The following MYBBP1A variants were observed in gnomAD, a reference collection of about 807,000 sequenced individuals.
MYBBP1A encodes the protein MYB binding protein 1a.
Under a neutral mutation model 136.3 loss-of-function variants are expected in MYBBP1A, and 147 were observed. That is an observed-to-expected ratio of 1.08 (90% CI 0.94 to 1.24). The LOEUF is 1.24. MYBBP1A is among the 50% of genes most tolerant of loss of function. The pLI, the probability that MYBBP1A is intolerant of heterozygous loss-of-function variation, is 0.00. For synonymous variants in MYBBP1A, 947 were observed against 735.8 expected, an observed-to-expected ratio of 1.29 and a Z score of -4.65; for missense variants, 2,060 against 1,727.4, an observed-to-expected ratio of 1.19 and a Z score of -3.41.
chr17:4,540,257 AGCAGCGTGTGT>A lies in MYBBP1A; in HGVS notation c.3434+80_3434+90del, dbSNP rs531167967. On this transcript the variant is annotated intron_variant, in intron 25 of 25. Coordinates refer to ENST00000254718, the MANE Select transcript of MYBBP1A (RefSeq NM_014520.4). ...GCATGCGTGTGCAGTGTGCGTGTGC[AGCAGCGTGTGT>A]GCAGCGTGTGTGTGTGTGCAGCAGC... 3.8e-4 allele frequency: 564 copies of A among 1,466,668 alleles called. 2 individuals carry two copies. The highest frequency in any genetic ancestry group is 2.9e-3 in the Middle Eastern group (16 of 5,530). 90.9% of individuals were successfully genotyped at this position (1,466,668 alleles called of 1,614,324 possible). A position where few individuals can be genotyped will look rare whatever the true frequency, so the allele number is the denominator to read the frequency against.
intron 3 of MYBBP1A, 34 bp from the exon 4 acceptor site, chr17:4,554,127 C>T (rs763855285): frequency 1.9e-6 from 3 of 1,613,256 alleles, no homozygotes; most frequent in South Asian, 2.2e-5. Flanking sequence ...GCATGAGGGG[C>T]CCTGGAACTC....
chr17:4,544,409 G>C, intron 19 of MYBBP1A, 80 bp downstream of exon 19: 1 of 1,514,934 alleles, frequency 6.6e-7, no homozygotes, highest in Non-Finnish European at 8.8e-7. Context: ...TTCCTGTGCA[G>C]ACAGCAAGCC....
chr17:4,553,953 GCACACGA>G (rs1361488368), intron 4 of MYBBP1A, 36 bp from the exon 5 acceptor site: 1 of 1,613,120 alleles, frequency 6.2e-7, no homozygotes, highest in Admixed American at 1.7e-5. Context: ...TATGAGCAGG[GCACACGA>G]CTGTCCCCCA....
chr17:4,545,940 G>A lies in MYBBP1A; in HGVS notation c.1827C>T (p.Ser609=). Residue 609 remains serine, a splice_region_variant and synonymous_variant, in exon 14 of 26, where the codon TCC becomes TCT. Coordinates refer to ENST00000254718, the MANE Select transcript of MYBBP1A (RefSeq NM_014520.4). ...CCAGCAGGTCACAGCTCTCTGCAGG[G>A]GACTGCGGGCAGGGTAGGACACACA... ...LLLVGIHLLK[S]PAESCDLLGD... 1.2e-6 allele frequency: 2 copies of A among 1,612,946 alleles called. No individual in the cohort carries two copies. Among genetic ancestry groups the A allele is most frequent in the Non-Finnish European group, 1.7e-6 (2 of 1,179,870 alleles).
In MYBBP1A at chr17:4,545,896, A is replaced by C. The variant is rs1486577640; in HGVS notation, c.1871T>G (p.Ile624Ser). ...GGGCTTCTCTCCCAGACTTTTCCTG[A>C]TGCAGGTCTGGATGTCACCCAGCAG... ...CDLLGDIQTC[I>S]RKSLGEKPRR... The change falls in exon 14 of 26, where the codon ATC becomes AGC. Residue 624 changes from isoleucine to serine, a missense_variant. Physicochemically the swap from Ile to Ser is moderately radical, Grantham distance 142. Coordinates refer to ENST00000254718, the MANE Select transcript of MYBBP1A (RefSeq NM_014520.4). 6.2e-7 allele frequency: 1 copy of C among 1,613,324 alleles called. No homozygotes were observed.
At position 4,548,394 on chromosome 17, in the gene MYBBP1A, C is replaced by T; in HGVS notation, c.1557-84G>A. 4.4e-6 allele frequency: 7 copies of T among 1,603,236 alleles called. No homozygotes were observed. Among genetic ancestry groups the T allele is most frequent in the Non-Finnish European group, 6.0e-6 (7 of 1,173,402 alleles). Reference sequence around the variant, plus strand: ...CTCCGCCCTCCCCAGGGCTCGGTCTCCCGCCTCTCCAGGACCTACTAGAAC... The same window carrying T: ...CTCCGCCCTCCCCAGGGCTCGGTCTTCCGCCTCTCCAGGACCTACTAGAAC... On this transcript the variant is annotated intron_variant, in intron 11 of 25. Coordinates refer to ENST00000254718, the MANE Select transcript of MYBBP1A (RefSeq NM_014520.4). This position sits in a 1 kb window ranked among gnomAD's most constrained non-coding sequence, Gnocchi z 4.2.
intron 13 of MYBBP1A, among the ~76,000 whole-genome samples, 167 bp from the exon 14 acceptor site, chr17:4,546,109 C>G (rs151311912): frequency 6.6e-6 from 1 of 152,242 alleles, no homozygotes; most frequent in African/African-American, 2.4e-5. Context: ...AAGACCCCAG[C>G]TGGACACCCC....
intron 1 of MYBBP1A, 31 bp downstream of exon 1, chr17:4,555,096 G>A: frequency 6.4e-7 from 1 of 1,563,522 alleles, no homozygotes; most frequent in Non-Finnish European, 8.7e-7. Flanking sequence ...CGGGATATGC[G>A]CAGCCTCTGC....
At position 4,539,965 on chromosome 17, in the gene MYBBP1A, C is replaced by T. The variant is rs373407355; in HGVS notation, c.3437G>A (p.Arg1146His). The T allele has an allele frequency of 3.7e-5, 59 of 1,597,608 alleles. No homozygotes were observed. Among genetic ancestry groups the T allele is most frequent in the East Asian group, 2.9e-4 (13 of 44,850 alleles). Residue 1146 changes from arginine to histidine, a missense_variant and splice_region_variant, in exon 26 of 26, where the codon CGC becomes CAC. Coordinates refer to ENST00000254718, the MANE Select transcript of MYBBP1A (RefSeq NM_014520.4). The part of the protein sequence containing the change: ...WQAMKTLGVQ[R>H]PKLEKKDAKE... ...GGCATCCTTCTTCTCCAACTTGGGG[C>T]GCCTGAAGGGAAGTGAGCAAGGTTA...
Position 4,539,606 on chromosome 17 carries a change from C to T in MYBBP1A, c.3796G>A (p.Gly1266Arg), listed in dbSNP as rs372725095. Reference protein sequence around the residue: ...QKPSQVNGAPGSPTEPAGQKQ... With the variant: ...QKPSQVNGAPRSPTEPAGQKQ... ...TGGCCTGCAGGTTCCGTGGGGGACC[C>T]GGGAGCTCCATTCACCTGGGACGGC... is the stretch of plus-strand genomic sequence containing the variant. The change falls in exon 26 of 26, where the codon GGG becomes AGG. Residue 1266 changes from glycine (G) to arginine (R), a missense_variant. Transcript: ENST00000254718. The T allele has an allele frequency of 8.1e-6, 13 of 1,613,960 alleles. No homozygotes were observed. Among genetic ancestry groups the T allele is most frequent in the African/African-American group, 2.7e-5 (2 of 74,984 alleles).
In MYBBP1A at chr17:4,539,363, TAGGCGTCTC is replaced by T. The variant is rs1243748664; in HGVS notation, c.*43_*51del. The stretch of plus-strand genomic sequence containing the variant: ...ATGGTTTAAAAAAAAAAAAAAAAAA[TAGGCGTCTC>T]AGGCAGATGGAGGCAGGGGCTGAGG... On this transcript the variant is annotated 3_prime_UTR_variant, in exon 26 of 26. Transcript: ENST00000254718. 7.3e-7 allele frequency: 1 copy of T among 1,361,850 alleles called. No individual in the cohort carries two copies. The highest frequency in any genetic ancestry group is 9.7e-7 in the Non-Finnish European group (1 of 1,029,972). 84.4% of individuals were successfully genotyped at this position (1,361,850 alleles called of 1,614,324 possible). A position where few individuals can be genotyped will look rare whatever the true frequency, so the allele number is the denominator to read the frequency against.
chr17:4,554,497 A>C (rs776733026), intron 2 of MYBBP1A, among the ~76,000 whole-genome samples: 7 of 152,066 alleles, frequency 4.6e-5, no homozygotes, highest in African/African-American at 1.4e-4. Context: ...CCTCAGGCTG[A>C]TCCTGCAGGC....
intron 25 of MYBBP1A, 65 bp from the exon 26 acceptor site, chr17:4,540,032 G>A: frequency 6.6e-7 from 1 of 1,525,494 alleles, no homozygotes; most frequent in Non-Finnish European, 8.9e-7. Flanking sequence ...CACCGCGACT[G>A]CTACCTCCAC....
Position 4,543,081 on chromosome 17 carries a change from C to T in MYBBP1A, c.2724G>A (p.Val908=). ...GALHAQVERL[V]QQAGRQPDSP... ...AGTCGGGCTGGCGGCCAGCCTGCTGCACCAACCGCTCCACCTGGGCGTGCA... is the reference window on the plus strand; with the variant it reads ...AGTCGGGCTGGCGGCCAGCCTGCTGTACCAACCGCTCCACCTGGGCGTGCA... The change falls in exon 20 of 26, where the codon GTG becomes GTA. Residue 908 remains valine, a synonymous_variant. Coordinates refer to ENST00000254718, the MANE Select transcript of MYBBP1A (RefSeq NM_014520.4). 6.8e-6 allele frequency: 11 copies of T among 1,613,220 alleles called. No individual in the cohort carries two copies. Among genetic ancestry groups the T allele is most frequent in the South Asian group, 1.1e-5 (1 of 91,082 alleles).
chr17:4,543,183 G>A lies in MYBBP1A; in HGVS notation c.2640-18C>T, dbSNP rs747591706. 22 of 1,590,598 alleles carry A rather than the reference G, an allele frequency of 1.4e-5. No homozygotes were observed. Among genetic ancestry groups the A allele is most frequent in the African/African-American group, 4.0e-5 (3 of 74,690 alleles). Reference sequence around the variant, plus strand: ...GGTGGTGCCTGTGGGTGGTGAGGACGAGAGCTGGTCAGAACATTCTCGGTC... The same window carrying A: ...GGTGGTGCCTGTGGGTGGTGAGGACAAGAGCTGGTCAGAACATTCTCGGTC... On this transcript the variant is annotated intron_variant, in intron 19 of 25. Transcript: ENST00000254718.
Position 4,552,100 on chromosome 17 carries a change from G to A in MYBBP1A, c.905+25C>T, listed in dbSNP as rs142664875. The A allele has an allele frequency of 1.1e-3, 1,786 of 1,607,930 alleles. 14 individuals carry two copies. The African/African-American group carries it at 0.022, about 20-fold the overall frequency. ...CACTTCACGGACAGGGAAGGGGGCCGAGAGAGGACACGCGTCGCCCGCACC... is the reference window on the plus strand; with the variant it reads ...CACTTCACGGACAGGGAAGGGGGCCAAGAGAGGACACGCGTCGCCCGCACC... On this transcript the variant is annotated intron_variant, in intron 7 of 25. Transcript: ENST00000254718. This position sits in a 1 kb window ranked among gnomAD's most constrained non-coding sequence, Gnocchi z 4.7.
chr17:4,547,936 C>A (rs769362546), intron 13 of MYBBP1A, 22 bp downstream of exon 13: 1 of 1,454,566 alleles, frequency 6.9e-7, no homozygotes, highest in South Asian at 1.4e-5. Context: ...GCTCACAGCC[C>A]CTCCCTCCCA....
Position 4,548,995 on chromosome 17 carries a change from G to A in MYBBP1A, c.1430+337C>T, listed in dbSNP as rs1597386290. ...CATGGGACAGCCCCCTCTTGCAACCGTGCATGTTGAGGGTGACGTGAGCAC... is the reference window on the plus strand; with the variant it reads ...CATGGGACAGCCCCCTCTTGCAACCATGCATGTTGAGGGTGACGTGAGCAC... On this transcript the variant is annotated intron_variant, in intron 10 of 25. Coordinates refer to ENST00000254718, the MANE Select transcript of MYBBP1A (RefSeq NM_014520.4). This position sits in a 1 kb window ranked among gnomAD's most constrained non-coding sequence, Gnocchi z 4.2. Among the ~76,000 whole-genome samples the A allele has an allele frequency of 6.6e-6, 1 of 152,242 alleles. No individual in the cohort carries two copies. Among genetic ancestry groups the A allele is most frequent in the Admixed American group, 6.5e-5 (1 of 15,288 alleles).
rs763369224 is a variant in MYBBP1A, at chr17:4,554,309, G to A, written c.295-31C>T. On this transcript the variant is annotated intron_variant, in intron 2 of 25. Coordinates refer to ENST00000254718, the MANE Select transcript of MYBBP1A (RefSeq NM_014520.4). ...AGGAGTTGTGTGGCAGGAGGAAGAG[G>A]GTTCAGGAGAGTGGCCCAACTACGT... 14 of 1,599,374 alleles carry A rather than the reference G, an allele frequency of 8.8e-6. No individual in the cohort carries two copies. In the South Asian group the frequency reaches 1.5e-4, roughly 18 times the overall value.
Sources: allele counts gnomAD v4.1 joint callset (sites outside exome capture counted in the v4.1 genomes callset), GRCh38; gene constraint gnomAD v4.1.1; non-coding constraint Gnocchi (gnomAD v3.1); transcripts MANE v1.5; gene names NCBI Gene and HGNC (gene_info 2026-07-23, HGNC 2026-07-21).